CORO2B: variants seen among roughly 807,000 people sequenced by gnomAD.
The protein encoded by CORO2B is coronin 2B, also known as coronin-2B.
CORO2B carries 26 observed loss-of-function variants against 58.8 expected under a neutral mutation model. The ratio of observed to expected loss-of-function variants is 0.44; its 90% CI spans 0.32 to 0.61. CORO2B has a LOEUF of 0.61. Among genes scored for constraint, CORO2B ranks in the 20% least tolerant of loss-of-function variants. The probability of loss-of-function intolerance (pLI) is 0.04; values close to 1 mark genes in which losing one functional copy is unlikely to be tolerated. For synonymous variants in CORO2B, 242 were observed against 253.8 expected (o/e 0.95, Z 0.44); for missense variants, 460 against 645.1 (o/e 0.71, Z 3.11).
chr15:68,630,464 G>A (rs1900798586), intron 1 of CORO2B, among the ~76,000 whole-genome samples: 1 of 152,014 alleles, frequency 6.6e-6, no homozygotes. Context: ...GCTAGGCTTG[G>A]GTGGGGCTCT....
the CORO2B span, among the ~76,000 whole-genome samples, chr15:68,541,733 T>G: frequency 6.6e-6 from 1 of 152,222 alleles, no homozygotes; most frequent in Non-Finnish European, 1.5e-5. Flanking sequence ...CTGGTGCTGT[T>G]CCTTCTAACC....
the CORO2B span, among the ~76,000 whole-genome samples, chr15:68,522,314 G>A: frequency 4.5e-4 from 68 of 151,746 alleles, no homozygotes; most frequent in Non-Finnish European, 6.9e-4. Flanking sequence ...TCTCTTTCTC[G>A]TCTGAGACTC....
At chr15:68,579,526 C>T (rs1288765883) in intron 1 of CORO2B, among the ~76,000 whole-genome samples, 3 of 152,212 alleles carry the variant, frequency 2.0e-5, no homozygotes, top group African/African-American at 7.2e-5. Flanking sequence ...CGGCCCAACC[C>T]CGGGACTGCA....
At chr15:68,708,344 T>A (rs1410648404) in intron 3 of CORO2B, among the ~76,000 whole-genome samples, 1 of 151,172 alleles carries the variant, frequency 6.6e-6, no homozygotes, top group Non-Finnish European at 1.5e-5. Flanking sequence ...GCCTTTGGCT[T>A]TCTTTTTTTC....
the CORO2B span, among the ~76,000 whole-genome samples, chr15:68,521,111 T>C: frequency 4.4e-3 from 676 of 152,358 alleles, 7 homozygotes; most frequent in African/African-American, 0.015. Flanking sequence ...AATTGGAGTA[T>C]TTAGTTCTTT....
chr15:68,646,265 C>T (rs62002136), intron 2 of CORO2B, among the ~76,000 whole-genome samples: 5 of 152,178 alleles, frequency 3.3e-5, no homozygotes, highest in Non-Finnish European at 7.3e-5. Flanking sequence ...CCCAGAGGCC[C>T]GTGGGAGGTC....
the CORO2B span, among the ~76,000 whole-genome samples, chr15:68,555,832 AG>A: frequency 1.3e-5 from 2 of 152,190 alleles, no homozygotes; most frequent in African/African-American, 4.8e-5. Context: ...GGACAGGCAC[AG>A]GGGTCCCACA....
At chr15:68,681,675 C>T (rs1472863987) in intron 2 of CORO2B, among the ~76,000 whole-genome samples, 2 of 151,812 alleles carry the variant, frequency 1.3e-5, no homozygotes, top group Non-Finnish European at 2.9e-5. Context: ...GTGTGCGTGC[C>T]CCTCGAGGGC....
At chr15:68,714,098 G>C in intron 6 of CORO2B, 57 bp downstream of exon 6, 1 of 1,152,524 alleles carries the variant, frequency 8.7e-7, no homozygotes, top group Middle Eastern at 2.1e-4. Flanking sequence ...TTGCCTCGGA[G>C]GTCACTTCCT....
chr15:68,618,348 A>G (rs149582238), intron 1 of CORO2B, among the ~76,000 whole-genome samples: 1,534 of 152,358 alleles, frequency 0.01, 38 homozygotes, highest in African/African-American at 0.035. Context: ...GTTGTATTAC[A>G]TGTAAATCAT....
intron 1 of CORO2B, among the ~76,000 whole-genome samples, chr15:68,640,057 G>A (rs1269933061): frequency 6.6e-6 from 1 of 152,178 alleles, no homozygotes; most frequent in Non-Finnish European, 1.5e-5. Context: ...GAGTAGGGAG[G>A]AGTCTTTTCT....
intron 1 of CORO2B, among the ~76,000 whole-genome samples, chr15:68,582,970 C>T (rs1899466289): frequency 6.6e-6 from 1 of 152,174 alleles, no homozygotes; most frequent in Admixed American, 6.5e-5. Flanking sequence ...CCTTAGAAGG[C>T]CTTAGGAGAG....
intron 2 of CORO2B, among the ~76,000 whole-genome samples, chr15:68,662,303 C>T (rs1210031870): frequency 6.6e-6 from 1 of 152,060 alleles, no homozygotes; most frequent in Non-Finnish European, 1.5e-5. Context: ...TAGGTTATAC[C>T]TTTCTTATAG....
At chr15:68,708,429 C>T (rs1273979548) in intron 3 of CORO2B, among the ~76,000 whole-genome samples, 3 of 139,526 alleles carry the variant, frequency 2.2e-5, no homozygotes, top group Non-Finnish European at 4.5e-5. Context: ...GACGTGATCT[C>T]GGCTCACTGC....
chr15:68,602,179 G>A (rs1241205434), intron 1 of CORO2B, among the ~76,000 whole-genome samples: 1 of 152,112 alleles, frequency 6.6e-6, no homozygotes, highest in Admixed American at 6.6e-5. Context: ...CCATTCGCAA[G>A]GACCACGGAC....
chr15:68,670,311 A>T (rs1267645469), intron 2 of CORO2B, among the ~76,000 whole-genome samples: 1 of 152,002 alleles, frequency 6.6e-6, no homozygotes, highest in Non-Finnish European at 1.5e-5. Context: ...AGTAGCTGGG[A>T]CTTCAGGTGT....
chr15:68,665,649 T>G (rs1345402688), intron 2 of CORO2B, among the ~76,000 whole-genome samples: 1 of 152,018 alleles, frequency 6.6e-6, no homozygotes, highest in Non-Finnish European at 1.5e-5. Context: ...ATTAAAAGCT[T>G]CTTCACATAG....
chr15:68,669,053 CAGAA>C (rs1296544302), intron 2 of CORO2B, among the ~76,000 whole-genome samples: 4 of 141,776 alleles, frequency 2.8e-5, no homozygotes, highest in East Asian at 2.1e-4. Flanking sequence ...ACTCCTCCAT[CAGAA>C]AGAAAGAGAG....
At chr15:68,688,417 A>T (rs1383600543) in intron 2 of CORO2B, among the ~76,000 whole-genome samples, 1 of 152,178 alleles carries the variant, frequency 6.6e-6, no homozygotes, top group African/African-American at 2.4e-5. Context: ...TTGATCACCA[A>T]CATGATGCTC....
Sources: gnomAD v4.1 joint callset for allele counts (sites outside exome capture counted in the v4.1 genomes callset) on GRCh38, gnomAD v4.1.1 for gene constraint, MANE v1.5 for transcripts, NCBI Gene and HGNC (gene_info 2026-07-23, HGNC 2026-07-21) for gene names.